PIK3C2G: variants seen among roughly 807,000 people sequenced by gnomAD.
PIK3C2G encodes the protein phosphatidylinositol 3-kinase C2 domain-containing subunit gamma.
A neutral mutation model predicts 181.1 loss-of-function variants in PIK3C2G; 168 were observed. The observed-to-expected ratio is 0.93, with a 90% CI of 0.82 to 1.05. The LOEUF is 1.05. Ranked by LOEUF, PIK3C2G falls within the 50% of genes least tolerant of loss-of-function variation. The pLI is 0.00. For synonymous variants in PIK3C2G, 573 were observed against 592.2 expected (o/e 0.97, Z 0.47); for missense variants, 1,869 against 1,732.8 (o/e 1.08, Z -1.40).
intron 29 of PIK3C2G, among the ~76,000 whole-genome samples, chr12:18,575,051 A>G (rs937897643): frequency 2.6e-5 from 4 of 152,164 alleles, no homozygotes; most frequent in Non-Finnish European, 4.4e-5. Flanking sequence ...TGGTTTAATG[A>G]TAAATAGATG....
At chr12:18,625,279 A>G (rs1456399908) in intron 31 of PIK3C2G, among the ~76,000 whole-genome samples, 3 of 151,232 alleles carry the variant, frequency 2.0e-5, no homozygotes, top group Non-Finnish European at 4.4e-5. Flanking sequence ...TCATTGACCT[A>G]TTGGCTGTTC....
At chr12:18,603,344 T>G (rs543639341) in intron 30 of PIK3C2G, among the ~76,000 whole-genome samples, 2 of 152,082 alleles carry the variant, frequency 1.3e-5, no homozygotes, top group Admixed American at 1.3e-4. Flanking sequence ...AAAGAAAATA[T>G]GAACAAAGCC....
chr12:18,369,319 C>T (rs561050545), intron 12 of PIK3C2G, among the ~76,000 whole-genome samples: 1 of 152,270 alleles, frequency 6.6e-6, no homozygotes, highest in Non-Finnish European at 1.5e-5. Flanking sequence ...ACATATCTCC[C>T]CATCTCAACT....
chr12:18,650,347 ATGTGTG>A (rs71064013), downstream of PIK3C2G, among the ~76,000 whole-genome samples: 7,076 of 114,352 alleles, frequency 0.062, 352 homozygotes, highest in African/African-American at 0.13. Flanking sequence ...ATATATATAT[ATGTGTG>A]TGTGTGTGTG....
upstream of PIK3C2G, among the ~76,000 whole-genome samples, chr12:18,244,609 T>C (rs1948020390): frequency 6.6e-6 from 1 of 151,704 alleles, no homozygotes; most frequent in African/African-American, 2.4e-5. Context: ...AATTAAAGTG[T>C]TAATCAAATC....
At chr12:18,370,221 T>C (rs548885202) in intron 12 of PIK3C2G, among the ~76,000 whole-genome samples, 4 of 152,286 alleles carry the variant, frequency 2.6e-5, no homozygotes, top group African/African-American at 9.6e-5. Flanking sequence ...CAAACAATCA[T>C]GCCACCTACG....
the PIK3C2G span, among the ~76,000 whole-genome samples, chr12:18,658,764 G>A: frequency 6.6e-6 from 1 of 151,998 alleles, no homozygotes; most frequent in Non-Finnish European, 1.5e-5. Flanking sequence ...ATTTCACAGA[G>A]AGTAAAAAGG....
intron 30 of PIK3C2G, among the ~76,000 whole-genome samples, chr12:18,601,381 C>T (rs1333135967): frequency 2.0e-5 from 3 of 151,518 alleles, no homozygotes; most frequent in South Asian, 4.2e-4. Context: ...AGTTCAACAC[C>T]ATATATTTTC....
intron 18 of PIK3C2G, among the ~76,000 whole-genome samples, chr12:18,432,578 G>A (rs543802689): frequency 7.9e-5 from 12 of 152,244 alleles, no homozygotes; most frequent in African/African-American, 2.6e-4. Flanking sequence ...ATTATTTATT[G>A]TTTCTCAATC....
At chr12:18,619,860 G>T (rs1178890094) in intron 31 of PIK3C2G, among the ~76,000 whole-genome samples, 2 of 151,668 alleles carry the variant, frequency 1.3e-5, no homozygotes, top group African/African-American at 4.9e-5. Flanking sequence ...GAGTAGCTGG[G>T]ACTACAGGCG....
chr12:18,606,658 A>C (rs2136572997), intron 30 of PIK3C2G, among the ~76,000 whole-genome samples: 1 of 152,220 alleles, frequency 6.6e-6, no homozygotes, highest in Non-Finnish European at 1.5e-5. Context: ...ATATTTGAAA[A>C]TTATACTGAT....
chr12:18,362,636 A>T, intron 11 of PIK3C2G, 128 bp from the exon 12 acceptor site: 3 of 656,634 alleles, frequency 4.6e-6, no homozygotes, highest in Non-Finnish European at 7.1e-6. Flanking sequence ...AGCAATTTTT[A>T]AAGCATGCTT....
the PIK3C2G span, chr12:18,699,703 C>T: frequency 7.6e-7 from 1 of 1,312,172 alleles, no homozygotes; most frequent in South Asian, 1.2e-5. Context: ...TGAGAATATA[C>T]ATTTTATAAA....
At chr12:18,377,243 G>C (rs1942511557) in intron 13 of PIK3C2G, among the ~76,000 whole-genome samples, 1 of 152,128 alleles carries the variant, frequency 6.6e-6, no homozygotes, top group South Asian at 2.1e-4. Flanking sequence ...TTGAGGAAAT[G>C]GGGCCCAAAG....
At chr12:18,691,785 C>T in the PIK3C2G span, among the ~76,000 whole-genome samples, 2 of 152,154 alleles carry the variant, frequency 1.3e-5, no homozygotes, top group African/African-American at 2.4e-5. Flanking sequence ...GCAATTGCTG[C>T]CTATCCATTA....
rs35618878 is a variant in PIK3C2G at position 18,559,381 on chromosome 12, G to A, written c.3591-3322G>A. Reference sequence around the variant, plus strand: ...ACCATTAAATTACAAGATTTGTGTCGTATGAGCATTTGGACAGAAGGAAGC... The same window carrying A: ...ACCATTAAATTACAAGATTTGTGTCATATGAGCATTTGGACAGAAGGAAGC... On this transcript the variant is annotated intron_variant, in intron 26 of 32. Coordinates refer to ENST00000538779, the MANE Select transcript of PIK3C2G (RefSeq NM_001288772.2). 7.4e-3 allele frequency among the ~76,000 whole-genome samples: 1,129 copies of A among 152,036 alleles called. 35 individuals carry two copies. The highest frequency in any genetic ancestry group is 0.038 in the East Asian group (195 of 5,126).
At chr12:18,624,299 TG>T (rs1229753131) in intron 31 of PIK3C2G, among the ~76,000 whole-genome samples, 1 of 151,786 alleles carries the variant, frequency 6.6e-6, no homozygotes, top group Non-Finnish European at 1.5e-5. Flanking sequence ...TACATGATTT[TG>T]GTCCTTCATT....
At chr12:18,684,208 CA>C in the PIK3C2G span, 1 of 1,612,006 alleles carries the variant, frequency 6.2e-7, no homozygotes, top group Non-Finnish European at 8.5e-7. Flanking sequence ...CCTTCAACAA[CA>C]AAACGTATCA....
chr12:18,313,804 TCACACA>T lies in PIK3C2G; in HGVS notation c.1035-138_1035-133del, dbSNP rs5796752. 2.7e-4 allele frequency among the ~76,000 whole-genome samples: 40 copies of T among 149,380 alleles called. 1 individual carries two copies. Among genetic ancestry groups the T allele is most frequent in the Non-Finnish European group, 2.8e-4 (19 of 67,208 alleles). Reference sequence around the variant, plus strand: ...ACAAAAATATGTAATGCATATATATTCACACACACACACACACACACACACGCACAC... The same window carrying T: ...ACAAAAATATGTAATGCATATATATTCACACACACACACACACACGCACAC... On this transcript the variant is annotated intron_variant, in intron 5 of 32. Coordinates refer to ENST00000538779, the MANE Select transcript of PIK3C2G (RefSeq NM_001288772.2).
Sources: gnomAD v4.1 joint callset for allele counts (sites outside exome capture counted in the v4.1 genomes callset) on GRCh38, gnomAD v4.1.1 for gene constraint, MANE v1.5 for transcripts, NCBI Gene and HGNC (gene_info 2026-07-23, HGNC 2026-07-21) for gene names.